SEC31A: variants seen among roughly 807,000 people sequenced by gnomAD.
SEC31A encodes SEC31 homolog A, COPII component, also known as protein transport protein Sec31A.
Under a neutral mutation model 151.0 loss-of-function variants are expected in SEC31A, and 70 were observed. That is an observed-to-expected ratio of 0.46 (90% CI 0.38 to 0.57). SEC31A has a LOEUF of 0.57. Ranked by LOEUF, SEC31A falls within the 20% of genes least tolerant of loss-of-function variation. The pLI is 0.00. For missense variants in SEC31A, 1,330 were observed against 1,471.2 expected (o/e 0.90, Z 1.57); for synonymous variants, 475 against 505.9 (o/e 0.94, Z 0.82).
intron 4 of SEC31A, 34 bp from the exon 5 acceptor site, chr4:82,875,856 T>C: frequency 1.7e-6 from 2 of 1,180,258 alleles, no homozygotes; most frequent in African/African-American, 1.5e-5. Flanking sequence ...ATAGCACTTA[T>C]GAATAATTAA....
At chr4:82,831,522 G>C (rs1297285029) in intron 22 of SEC31A, among the ~76,000 whole-genome samples, 5 of 152,168 alleles carry the variant, frequency 3.3e-5, no homozygotes, top group Non-Finnish European at 7.3e-5. Flanking sequence ...AATGCTGCTG[G>C]TCCAACACCC....
At chr4:82,895,952 G>C (rs1720044859), upstream of SEC31A, among the ~76,000 whole-genome samples, 1 of 152,166 alleles carries the variant, frequency 6.6e-6, no homozygotes, top group Admixed American at 6.5e-5. Flanking sequence ...TTCAGCTCTA[G>C]TTGTAAGATT....
chr4:82,892,571 A>G (rs1719865707), upstream of SEC31A, among the ~76,000 whole-genome samples: 1 of 152,174 alleles, frequency 6.6e-6, no homozygotes, highest in East Asian at 1.9e-4. Context: ...ATCCATTTTT[A>G]TAAATGGTCA....
At chr4:82,863,581 A>C (rs1734650441) in intron 11 of SEC31A, among the ~76,000 whole-genome samples, 189 bp from the exon 12 acceptor site, 1 of 152,048 alleles carries the variant, frequency 6.6e-6, no homozygotes, top group Non-Finnish European at 1.5e-5. Context: ...CAGCCTCAGG[A>C]GGTCCTGAGA....
intron 19 of SEC31A, among the ~76,000 whole-genome samples, chr4:82,850,079 T>C (rs550836778): frequency 1.3e-5 from 2 of 151,054 alleles, no homozygotes; most frequent in African/African-American, 4.9e-5. Context: ...ACATCAAAAT[T>C]ATGCTTTTTG....
chr4:82,827,669 G>C, intron 23 of SEC31A, 37 bp from the exon 24 acceptor site: 1 of 1,592,472 alleles, frequency 6.3e-7, no homozygotes, highest in East Asian at 2.2e-5. Flanking sequence ...CCAGGAGTAA[G>C]AATAAAAACG....
At chr4:82,896,878 T>C (rs1474137894) in intron 3 of SEC31A, among the ~76,000 whole-genome samples, 1 of 152,292 alleles carries the variant, frequency 6.6e-6, no homozygotes, top group East Asian at 1.9e-4. Flanking sequence ...AAAGCTTGAT[T>C]TTTATCCACT....
upstream of SEC31A, chr4:82,894,802 C>T (rs1037596037): frequency 6.6e-6 from 1 of 152,180 alleles, no homozygotes; most frequent in East Asian, 1.9e-4. Context: ...GATAGAGCCT[C>T]TTTTCAAACT....
intron 3 of SEC31A, 46 bp downstream of exon 3, chr4:82,880,753 A>C (rs1739093616): frequency 6.6e-7 from 1 of 1,516,500 alleles, no homozygotes; most frequent in African/African-American, 1.4e-5. Flanking sequence ...AATCAAGAAC[A>C]ATATATAATT....
rs1401071440 is a variant in SEC31A, at chr4:82,818,907, G to C, written c.*167C>G. 2 of 425,320 alleles carry C rather than the reference G, an allele frequency of 4.7e-6. No homozygotes were observed. The highest frequency in any genetic ancestry group is 2.0e-5 in the African/African-American group (1 of 49,158). 26.3% of individuals were successfully genotyped at this position (425,320 alleles called of 1,614,324 possible). On this transcript the variant is annotated 3_prime_UTR_variant, in exon 27 of 27. Transcript: ENST00000395310. ...GATTAAAACAAAAATAAAGCACCAG[G>C]GTTCTGAGCAGTTCTAAGGTGAGTA...
Position 82,834,627 on chromosome 4 carries a change from T to G in SEC31A, c.2969-5569A>C, listed in dbSNP as rs114877589. On this transcript the variant is annotated intron_variant, in intron 22 of 26. Coordinates refer to ENST00000395310, the MANE Select transcript of SEC31A (RefSeq NM_001077207.4). Reference sequence around the variant, plus strand: ...CTGAATAGAAGGCAATATTTTATAATTAAGTACCCCTCTCCCAAAACATAT... The same window carrying G: ...CTGAATAGAAGGCAATATTTTATAAGTAAGTACCCCTCTCCCAAAACATAT... 7.1e-3 allele frequency among the ~76,000 whole-genome samples: 1,078 copies of G among 152,242 alleles called. 16 individuals are homozygous for G. The highest frequency in any genetic ancestry group is 0.025 in the African/African-American group (1,026 of 41,532).
chr4:82,892,784 T>C (rs947163312), upstream of SEC31A, among the ~76,000 whole-genome samples: 11 of 152,210 alleles, frequency 7.2e-5, no homozygotes, highest in Admixed American at 6.5e-4. Context: ...AGCAGCAAAA[T>C]TTATGCAAGT....
intron 14 of SEC31A, among the ~76,000 whole-genome samples, chr4:82,858,776 C>A (rs1282174471): frequency 6.6e-6 from 1 of 151,506 alleles, no homozygotes; most frequent in Non-Finnish European, 1.5e-5. Flanking sequence ...ACTCTCGGCT[C>A]ACTGCAAACT....
At chr4:82,892,161 A>C (rs572316625), upstream of SEC31A, among the ~76,000 whole-genome samples, 14 of 152,316 alleles carry the variant, frequency 9.2e-5, no homozygotes, top group African/African-American at 3.1e-4. Flanking sequence ...AATGAACCCA[A>C]CTTTTACTGG....
intron 10 of SEC31A, among the ~76,000 whole-genome samples, chr4:82,865,072 C>G (rs1246442844): frequency 6.6e-6 from 1 of 152,052 alleles, no homozygotes; most frequent in Non-Finnish European, 1.5e-5. Context: ...ATCCAAAGAA[C>G]AGACTTACGA....
chr4:82,842,826 C>T (rs936174441), intron 21 of SEC31A: 7 of 200,112 alleles, frequency 3.5e-5, no homozygotes, highest in African/African-American at 1.6e-4. Context: ...GGAGGAATTA[C>T]ACATTCAAAG....
At chr4:82,892,666 G>A (rs774294466), upstream of SEC31A, among the ~76,000 whole-genome samples, 1 of 152,212 alleles carries the variant, frequency 6.6e-6, no homozygotes, top group Non-Finnish European at 1.5e-5. Flanking sequence ...CAGATGATCA[G>A]TAACAAATCA....
At chr4:82,891,186 T>G, upstream of SEC31A, 1 of 1,533,896 alleles carries the variant, frequency 6.5e-7, no homozygotes. Context: ...CAGGGCCACC[T>G]CCACGTTCCG....
rs1177774222 is a variant in SEC31A at position 82,888,350 on chromosome 4, C to CAAA, written c.-5+2735_-5+2737dup. Reference sequence around the variant, plus strand: ...TGGGAGACAGAGCGAGACTCCGTCTCAAAAAAAAAAAAAAAAAAAAAAACA... The same window carrying CAAA: ...TGGGAGACAGAGCGAGACTCCGTCTCAAAAAAAAAAAAAAAAAAAAAAAAAACA... On this transcript the variant is annotated intron_variant, in intron 1 of 26. Coordinates refer to ENST00000395310, the MANE Select transcript of SEC31A (RefSeq NM_001077207.4). Among the ~76,000 whole-genome samples, 152 of 25,466 alleles carry CAAA rather than the reference C, an allele frequency of 6.0e-3. 1 individual carries two copies. The highest frequency in any genetic ancestry group is 8.7e-3 in the East Asian group (6 of 692). 16.7% of individuals were successfully genotyped at this position (25,466 alleles called of 152,430 possible).
Sources: allele counts gnomAD v4.1 joint callset (sites outside exome capture counted in the v4.1 genomes callset), GRCh38; gene constraint gnomAD v4.1.1; transcripts MANE v1.5; gene names NCBI Gene and HGNC (gene_info 2026-07-23, HGNC 2026-07-21).